CCL24: variants seen among roughly 807,000 people sequenced by gnomAD.
CCL24 encodes the protein C-C motif chemokine ligand 24.
A neutral mutation model predicts 8.6 loss-of-function variants in CCL24; 6 were observed. That is an observed-to-expected ratio of 0.70 (90% CI 0.38 to 1.38). The LOEUF (loss-of-function observed/expected upper bound fraction) is 1.38. CCL24 is among the 40% of genes most tolerant of loss of function. The probability of loss-of-function intolerance (pLI) is 0.02; values close to 1 mark genes in which losing one functional copy is unlikely to be tolerated. For missense variants in CCL24, 126 were observed against 147.1 expected (o/e 0.86, Z 0.74); for synonymous variants, 59 against 52.7 (o/e 1.12, Z -0.52).
At chr7:75,816,669 C>T (rs185958707), upstream of CCL24, among the ~76,000 whole-genome samples, 244 of 151,480 alleles carry the variant, frequency 1.6e-3, 6 homozygotes, top group Admixed American at 0.016. Context: ...TCAAGCGATT[C>T]TCCCGCCTCA....
At chr7:75,815,710 A>T (rs1803875572), upstream of CCL24, among the ~76,000 whole-genome samples, 1 of 152,104 alleles carries the variant, frequency 6.6e-6, no homozygotes, top group Non-Finnish European at 1.5e-5. Flanking sequence ...CCCCGATTCC[A>T]GGATCCCAGG....
intron 1 of CCL24, among the ~76,000 whole-genome samples, chr7:75,818,904 T>A (rs1465969553): frequency 6.6e-6 from 1 of 151,972 alleles, no homozygotes; most frequent in Non-Finnish European, 1.5e-5. Flanking sequence ...TGTTTTGTTA[T>A]GGTCACCCTC....
chr7:75,811,849 C>T lies in CCL24; in HGVS notation c.307G>A (p.Val103Met), dbSNP rs1554533480. Residue 103 changes from valine to methionine, a missense_variant, in exon 3 of 3, where the codon GTG (valine) becomes ATG (methionine). Coordinates refer to ENST00000222902, the MANE Select transcript of CCL24 (RefSeq NM_002991.3). ...CTCTGGACAGGGCCCTTGACAGCCA[C>T]TGCCCTGGCCCTAGGGGAAGCCTTC... Reference protein sequence around the residue: ...QKKASPRARAVAVKGPVQRYP... With the variant: ...QKKASPRARAMAVKGPVQRYP... 1 of 1,613,252 alleles carries T rather than the reference C, an allele frequency of 6.2e-7. No homozygotes were observed. Among genetic ancestry groups the T allele is most frequent in the South Asian group, 1.1e-5 (1 of 91,010 alleles).
Position 75,811,881 on chromosome 7 carries a change from T to C in CCL24, c.275A>G (p.Lys92Arg). The change falls in exon 3 of 3, where the codon AAG becomes AGG. Residue 92 changes from lysine to arginine, a missense_variant. Physicochemically the swap from Lys to Arg is conservative, Grantham distance 26. Coordinates refer to ENST00000222902, the MANE Select transcript of CCL24 (RefSeq NM_002991.3). ...GGCCCTAGGGGAAGCCTTCTTCTGCTTGGCGTCCAGGTTCTTCATGTACCT... is the reference window on the plus strand; with the variant it reads ...GGCCCTAGGGGAAGCCTTCTTCTGCCTGGCGTCCAGGTTCTTCATGTACCT... ...VQRYMKNLDAKQKKASPRARA... is the reference protein window; with the variant it reads ...VQRYMKNLDARQKKASPRARA... The C allele has an allele frequency of 6.2e-7, 1 of 1,611,542 alleles. No homozygotes were observed. The highest frequency in any genetic ancestry group is 1.1e-5 in the South Asian group (1 of 90,950).
At chr7:75,818,102 A>C (rs2115798412), upstream of CCL24, among the ~76,000 whole-genome samples, 1 of 152,212 alleles carries the variant, frequency 6.6e-6, no homozygotes, top group East Asian at 1.9e-4. Flanking sequence ...AAGTGCTGGG[A>C]TGACCAGCAT....
intron 2 of CCL24, among the ~76,000 whole-genome samples, chr7:75,812,848 T>C (rs1362239670): frequency 6.6e-6 from 1 of 151,994 alleles, no homozygotes; most frequent in Non-Finnish European, 1.5e-5. Context: ...GAGAATTGCT[T>C]GAACCTGGGA....
chr7:75,816,633 C>G (rs970001415), upstream of CCL24, among the ~76,000 whole-genome samples: 3 of 151,784 alleles, frequency 2.0e-5, no homozygotes, highest in Middle Eastern at 3.2e-3. Flanking sequence ...GCGATCTTGG[C>G]TCACTGCAAC....
Position 75,813,672 on chromosome 7 carries a change from C to T in CCL24, c.44G>A (p.Gly15Asp), listed in dbSNP as rs989134700. 1.2e-6 allele frequency: 2 copies of T among 1,614,082 alleles called. No individual in the cohort carries two copies. The highest frequency in any genetic ancestry group is 1.7e-6 in the Non-Finnish European group (2 of 1,179,950). ...MTIVTSLLFLGVCAHHIIPTG... is the reference protein window; with the variant it reads ...MTIVTSLLFLDVCAHHIIPTG... ...AGGGATGATGTGGTGGGCACAGACACCAAGGAACAGAAGGCTGGTTACTAT... is the reference window on the plus strand; with the variant it reads ...AGGGATGATGTGGTGGGCACAGACATCAAGGAACAGAAGGCTGGTTACTAT... Residue 15 changes from glycine to aspartate, a missense_variant, in exon 1 of 3, where the codon GGT becomes GAT. Transcript: ENST00000222902.
At chr7:75,819,864 G>A (rs181926170) in intron 1 of CCL24, among the ~76,000 whole-genome samples, 61 of 151,886 alleles carry the variant, frequency 4.0e-4, no homozygotes, top group Non-Finnish European at 7.5e-4. Context: ...AAAACTGGCT[G>A]TATGAGCCTG....
At chr7:75,813,980 G>T (rs1282547933), upstream of CCL24, among the ~76,000 whole-genome samples, 1 of 152,062 alleles carries the variant, frequency 6.6e-6, no homozygotes, top group African/African-American at 2.4e-5. Flanking sequence ...CGAAAGAACT[G>T]GGGGAGGGGA....
intron 1 of CCL24, among the ~76,000 whole-genome samples, chr7:75,822,904 G>T (rs1200779501): frequency 6.6e-6 from 1 of 152,124 alleles, no homozygotes; most frequent in Non-Finnish European, 1.5e-5. Context: ...AGCCACGATG[G>T]GGCAGAACTC....
upstream of CCL24, among the ~76,000 whole-genome samples, chr7:75,816,765 T>G (rs1039053011): frequency 6.6e-6 from 1 of 151,456 alleles, no homozygotes; most frequent in East Asian, 1.9e-4. Flanking sequence ...TTTCACTAGG[T>G]TGGTCAGGCT....
upstream of CCL24, among the ~76,000 whole-genome samples, chr7:75,817,148 G>A (rs992090443): frequency 6.6e-6 from 1 of 152,070 alleles, no homozygotes; most frequent in Non-Finnish European, 1.5e-5. Context: ...TTACAGGCAT[G>A]AGCCACTGTG....
upstream of CCL24, among the ~76,000 whole-genome samples, chr7:75,818,263 G>A (rs564752765): frequency 5.3e-5 from 8 of 152,080 alleles, no homozygotes; most frequent in South Asian, 6.2e-4. Flanking sequence ...CTTAGCTCCC[G>A]AAATGGGAGC....
At chr7:75,820,131 C>CT (rs879976601) in intron 1 of CCL24, among the ~76,000 whole-genome samples, 2,263 of 94,364 alleles carry the variant, frequency 0.024, 182 homozygotes, top group East Asian at 0.052. Flanking sequence ...TCTTCTTCTT[C>CT]TCCTCCTCCT....
In CCL24 at chr7:75,810,988, G is replaced by A. The variant is rs925866570; in HGVS notation, c.*808C>T. Among the ~76,000 whole-genome samples, 2 of 151,088 alleles carry A rather than the reference G, an allele frequency of 1.3e-5. No individual in the cohort carries two copies. Among genetic ancestry groups the A allele is most frequent in the Non-Finnish European group, 2.9e-5 (2 of 67,818 alleles). ...CCCTATCTTCCCCTCACCAAAATGT[G>A]GGGTGAGCCCAGATTTGAAGGCAGT... On this transcript the variant is annotated 3_prime_UTR_variant, in exon 3 of 3. Coordinates refer to ENST00000222902, the MANE Select transcript of CCL24 (RefSeq NM_002991.3).
chr7:75,814,966 A>T (rs1324538272), upstream of CCL24, among the ~76,000 whole-genome samples: 1 of 151,654 alleles, frequency 6.6e-6, no homozygotes, highest in Non-Finnish European at 1.5e-5. Flanking sequence ...AAGCCCATGA[A>T]TCCCTGCCAA....
Position 75,811,889 on chromosome 7 carries a change from C to G in CCL24, c.267G>C (p.Leu89=). The G allele has an allele frequency of 1.2e-6, 2 of 1,611,606 alleles. No homozygotes were observed. The highest frequency in any genetic ancestry group is 1.7e-6 in the Non-Finnish European group (2 of 1,179,674). Residue 89 remains leucine, a synonymous_variant, in exon 3 of 3, where the codon CTG becomes CTC. Transcript: ENST00000222902. ...QEWVQRYMKN[L]DAKQKKASPR... Reference sequence around the variant, plus strand: ...GGGAAGCCTTCTTCTGCTTGGCGTCCAGGTTCTTCATGTACCTCTGGACCC... The same window carrying G: ...GGGAAGCCTTCTTCTGCTTGGCGTCGAGGTTCTTCATGTACCTCTGGACCC...
upstream of CCL24, among the ~76,000 whole-genome samples, chr7:75,815,093 C>T (rs1554533943): frequency 2.6e-5 from 4 of 152,014 alleles, no homozygotes; most frequent in African/African-American, 7.2e-5. Flanking sequence ...AATCCCAATG[C>T]TTTAGGAGGC....
Sources: gnomAD v4.1 joint callset for allele counts (sites outside exome capture counted in the v4.1 genomes callset) on GRCh38, gnomAD v4.1.1 for gene constraint, MANE v1.5 for transcripts, NCBI Gene and HGNC (gene_info 2026-07-23, HGNC 2026-07-21) for gene names.